Variants in MYT1L observed in about 807,000 individuals in gnomAD.
The protein encoded by MYT1L is myelin transcription factor 1 like.
MYT1L carries 12 observed loss-of-function variants against 126.7 expected under a neutral mutation model. That is an observed-to-expected ratio of 0.09 (90% confidence interval 0.06 to 0.15). MYT1L has a LOEUF of 0.15. Ranked by LOEUF, MYT1L falls within the 10% of genes least tolerant of loss-of-function variation. The pLI is 1.00. For missense variants in MYT1L, 979 were observed against 1,585.2 expected (o/e 0.62, Z 6.49); for synonymous variants, 541 against 604.2 (o/e 0.90, Z 1.53).
chr2:2,168,116 G>A (rs945102113), intron 3 of MYT1L, among the ~76,000 whole-genome samples: 1 of 152,176 alleles, frequency 6.6e-6, no homozygotes, highest in African/African-American at 2.4e-5. Flanking sequence ...TCACATCGGT[G>A]GGATCAGTGT....
intron 2 of MYT1L, among the ~76,000 whole-genome samples, chr2:2,210,156 T>C (rs2093453776): frequency 6.6e-6 from 1 of 152,194 alleles, no homozygotes; most frequent in Admixed American, 6.5e-5. Context: ...TTATTTTCTA[T>C]AGATTTGTCT....
At chr2:2,000,142 T>C (rs1265057844) in intron 4 of MYT1L, among the ~76,000 whole-genome samples, 1 of 152,142 alleles carries the variant, frequency 6.6e-6, no homozygotes, top group Non-Finnish European at 1.5e-5. Context: ...CTCCCCTCCC[T>C]GGGCAGGAGC....
chr2:2,006,633 T>C (rs565264811), intron 4 of MYT1L, among the ~76,000 whole-genome samples: 22 of 152,284 alleles, frequency 1.4e-4, no homozygotes, highest in African/African-American at 4.8e-4. Context: ...TGGAGTGCAG[T>C]GGCGTGATCT....
intron 18 of MYT1L, among the ~76,000 whole-genome samples, chr2:1,861,592 CTCTGCCTGCAGCCTGTGTAATCCTAGA>C (rs1405104245): frequency 5.4e-5 from 8 of 147,938 alleles, no homozygotes; most frequent in African/African-American, 9.9e-5. Flanking sequence ...AGACGCTGTG[CTCTGCCTGCAGCCTGTGTAATCCTAGA>C]TCTGCCTGCA....
intron 1 of MYT1L, among the ~76,000 whole-genome samples, chr2:2,304,820 A>G (rs2149552136): frequency 6.6e-6 from 1 of 152,320 alleles, no homozygotes; most frequent in South Asian, 2.1e-4. Flanking sequence ...CCTCTAGTGT[A>G]CTTTCTAGAT....
intron 2 of MYT1L, among the ~76,000 whole-genome samples, chr2:2,201,013 G>A (rs537288079): frequency 6.6e-6 from 1 of 152,338 alleles, no homozygotes; most frequent in East Asian, 1.9e-4. Context: ...ATGATGAATT[G>A]TGTATGATGC....
chr2:1,860,511 C>T (rs538384788), intron 18 of MYT1L, among the ~76,000 whole-genome samples: 13 of 152,272 alleles, frequency 8.5e-5, no homozygotes, highest in South Asian at 8.3e-4. Flanking sequence ...GGCCTGGGGT[C>T]GCAAGAGAGG....
chr2:1,910,428 C>A lies in MYT1L; in HGVS notation c.1710-81G>T. ...CTAATCCTCCCTTAGCACCAAGACC[C>A]TGATGCAGGTGGAGCTGGTGAGGGA... On this transcript the variant is annotated intron_variant, in intron 12 of 24. Coordinates refer to ENST00000647738, the MANE Select transcript of MYT1L (RefSeq NM_001303052.2). This position sits in a 1 kb window ranked among gnomAD's most constrained non-coding sequence, Gnocchi z 4.8. 7.7e-7 allele frequency: 1 copy of A among 1,298,922 alleles called. No homozygotes were observed. The highest frequency in any genetic ancestry group is 2.4e-5 in the East Asian group (1 of 42,250). 80.5% of individuals were successfully genotyped at this position (1,298,922 alleles called of 1,614,324 possible).
chr2:2,066,542 T>G (rs1164241167), intron 3 of MYT1L, among the ~76,000 whole-genome samples: 1 of 152,210 alleles, frequency 6.6e-6, no homozygotes. Flanking sequence ...CTTACCAAAG[T>G]GCTGACCTAC....
chr2:1,835,900 C>G (rs988158107), intron 21 of MYT1L, among the ~76,000 whole-genome samples: 3 of 152,206 alleles, frequency 2.0e-5, no homozygotes, highest in Admixed American at 1.3e-4. Flanking sequence ...TCTGCATACA[C>G]GTGAATACTG....
Position 2,070,772 on chromosome 2 carries a change from G to A in MYT1L, c.-303-16649C>T, listed in dbSNP as rs114419929. 4.2e-3 allele frequency among the ~76,000 whole-genome samples: 638 copies of A among 152,298 alleles called. 4 individuals carry two copies. The highest frequency in any genetic ancestry group is 0.015 in the African/African-American group (604 of 41,568). On this transcript the variant is annotated intron_variant, in intron 3 of 24. Coordinates refer to ENST00000647738, the MANE Select transcript of MYT1L (RefSeq NM_001303052.2). ...CATTTTAAGAAAAAGACAAAGGGCTGTGACTGGACTGAGCCCAGGACATCA... is the reference window on the plus strand; with the variant it reads ...CATTTTAAGAAAAAGACAAAGGGCTATGACTGGACTGAGCCCAGGACATCA...
intron 1 of MYT1L, among the ~76,000 whole-genome samples, chr2:2,306,591 C>G (rs2095862496): frequency 6.6e-6 from 1 of 152,004 alleles, no homozygotes; most frequent in Admixed American, 6.6e-5. Context: ...ATCGAGGTAC[C>G]CTACATAACA....
intron 5 of MYT1L, among the ~76,000 whole-genome samples, chr2:1,988,768 A>T (rs2061244922): frequency 6.6e-6 from 1 of 152,214 alleles, no homozygotes; most frequent in African/African-American, 2.4e-5. Context: ...AGCTCAAGTG[A>T]TCCACCCACA....
chr2:1,791,659 T>G lies in MYT1L; in HGVS notation c.*208A>C, dbSNP rs2032115434. Reference sequence around the variant, plus strand: ...TGGCAGAACACTATGTCAGCTTACATGGAAACGTACAAAATGTGGGTGTAT... The same window carrying G: ...TGGCAGAACACTATGTCAGCTTACAGGGAAACGTACAAAATGTGGGTGTAT... On this transcript the variant is annotated 3_prime_UTR_variant, in exon 25 of 25. Transcript: ENST00000647738. This position sits in a 1 kb window ranked among gnomAD's most constrained non-coding sequence, Gnocchi z 6.0. The G allele has an allele frequency of 1.9e-6, 1 of 525,522 alleles. No homozygotes were observed. The highest frequency in any genetic ancestry group is 3.3e-6 in the Non-Finnish European group (1 of 304,468). 32.6% of individuals were successfully genotyped at this position (525,522 alleles called of 1,614,324 possible). A position where few individuals can be genotyped will look rare whatever the true frequency, so the allele number is the denominator to read the frequency against.
At chr2:1,851,755 G>A (rs373298171) in intron 18 of MYT1L, 52 bp from the exon 19 acceptor site, 191 of 1,543,068 alleles carry the variant, frequency 1.2e-4, no homozygotes, top group Non-Finnish European at 1.6e-4. Context: ...AAAGTTCCCT[G>A]AACAATTAAC....
chr2:2,162,810 C>T (rs568137487), intron 3 of MYT1L, among the ~76,000 whole-genome samples: 2 of 152,330 alleles, frequency 1.3e-5, no homozygotes, highest in African/African-American at 2.4e-5. Context: ...CCAACTCATT[C>T]GGATCCTGGC....
chr2:1,839,048 G>T, intron 21 of MYT1L, 101 bp downstream of exon 21: 1 of 1,022,508 alleles, frequency 9.8e-7, no homozygotes, highest in Non-Finnish European at 1.4e-6. Context: ...CTAAACACAG[G>T]TGACGGGAGA....
At chr2:2,282,162 T>C (rs2095456488) in intron 2 of MYT1L, among the ~76,000 whole-genome samples, 1 of 152,214 alleles carries the variant, frequency 6.6e-6, no homozygotes, top group Admixed American at 6.5e-5. Context: ...ATTCTGCAAC[T>C]AAAAGGTGGA....
At chr2:2,237,305 C>T (rs2094344473) in intron 2 of MYT1L, among the ~76,000 whole-genome samples, 1 of 152,036 alleles carries the variant, frequency 6.6e-6, no homozygotes, top group Admixed American at 6.6e-5. Context: ...TTCACACAAC[C>T]ACAGCAACCT....
Sources: allele counts gnomAD v4.1 joint callset (sites outside exome capture counted in the v4.1 genomes callset), GRCh38; gene constraint gnomAD v4.1.1; non-coding constraint Gnocchi (gnomAD v3.1); transcripts MANE v1.5; gene names NCBI Gene and HGNC (gene_info 2026-07-23, HGNC 2026-07-21).